Variants in BRPF3 observed in about 807,000 individuals in gnomAD.
BRPF3 encodes the protein bromodomain and PHD finger containing 3, also known as bromodomain and PHD finger-containing protein 3.
BRPF3 carries 18 observed loss-of-function variants against 102.0 expected under a neutral mutation model. The ratio of observed to expected loss-of-function variants is 0.18; its 90% CI spans 0.12 to 0.26. The LOEUF (loss-of-function observed/expected upper bound fraction) is 0.26, where lower values mean the gene tolerates loss of function less well. Among genes scored for constraint, BRPF3 ranks in the 10% least tolerant of loss-of-function variants. The pLI is 1.00. For missense variants in BRPF3, 1,147 were observed against 1,567.8 expected (o/e 0.73, Z 4.53); for synonymous variants, 570 against 614.2 (o/e 0.93, Z 1.06).
In BRPF3 at chr6:36,209,789, C is replaced by A; in HGVS notation, c.1740C>A (p.Val580=). 1 of 1,613,942 alleles carries A rather than the reference C, an allele frequency of 6.2e-7. No homozygotes were observed. The highest frequency in any genetic ancestry group is 8.5e-7 in the Non-Finnish European group (1 of 1,179,880). ...RKREKLKREQ[V]KVQQAAMELE... ...ATCTCACCCCACCTTCCCCACAGGTCAAAGTCCAGCAGGCTGCCATGGAGC... is the reference window on the plus strand; with the variant it reads ...ATCTCACCCCACCTTCCCCACAGGTAAAAGTCCAGCAGGCTGCCATGGAGC... The change falls in exon 5 of 13, where the codon GTC becomes GTA. Residue 580 remains valine, a splice_region_variant and synonymous_variant. Coordinates refer to ENST00000357641, the MANE Select transcript of BRPF3 (RefSeq NM_015695.3).
rs1042114181 is a variant in BRPF3, at chr6:36,222,046, G to C, written c.3084-122G>C. On this transcript the variant is annotated intron_variant, in intron 9 of 12. Coordinates refer to ENST00000357641, the MANE Select transcript of BRPF3 (RefSeq NM_015695.3). ...AGTTTTTAGGGGAAGGTGAGAAACT[G>C]TCCTCCCTGAAGAGTTTTTGCAGCT... The C allele has an allele frequency of 2.0e-5, 18 of 909,082 alleles. 2 individuals are homozygous for C. The South Asian group carries it at 2.9e-4, about 14-fold the overall frequency. 56.3% of individuals were successfully genotyped at this position (909,082 alleles called of 1,614,324 possible). A position where few individuals can be genotyped will look rare whatever the true frequency, so the allele number is the denominator to read the frequency against.
chr6:36,222,070 C>T, intron 9 of BRPF3, 98 bp from the exon 10 acceptor site: 1 of 1,221,846 alleles, frequency 8.2e-7, no homozygotes, highest in Non-Finnish European at 1.2e-6. Flanking sequence ...GTTTTTGCAG[C>T]TCCACTCCTG....
chr6:36,201,841 G>C lies in BRPF3; in HGVS notation c.1448+71G>C. On this transcript the variant is annotated intron_variant, in intron 2 of 12. Coordinates refer to ENST00000357641, the MANE Select transcript of BRPF3 (RefSeq NM_015695.3). This position sits in a 1 kb window ranked among gnomAD's most constrained non-coding sequence, Gnocchi z 5.1. Reference sequence around the variant, plus strand: ...TGGGTTGGTGTTGGCCCTGTGCCAGGCCTTCGCTAAACACAGTTGGACACT... The same window carrying C: ...TGGGTTGGTGTTGGCCCTGTGCCAGCCCTTCGCTAAACACAGTTGGACACT... 1 of 1,519,666 alleles carries C rather than the reference G, an allele frequency of 6.6e-7. No individual in the cohort carries two copies. Among genetic ancestry groups the C allele is most frequent in the Non-Finnish European group, 8.8e-7 (1 of 1,135,582 alleles). The allele number at this position is 1,519,666 out of a possible 1,614,324, so 94.1% of individuals were successfully genotyped here. A position where few individuals can be genotyped will look rare whatever the true frequency, so the allele number is the denominator to read the frequency against.
At position 36,201,585 on chromosome 6, in the gene BRPF3, A is replaced by G; in HGVS notation, c.1263A>G (p.Glu421=). ...EGLKEGDGEE[E]EEEEVEEEEQ... ...TGAAGGAGGGTGATGGAGAGGAGGA[A>G]GAAGAGGAAGAGGTGGAGGAAGAAG... Residue 421 remains glutamate, a synonymous_variant, in exon 2 of 13, where the codon GAA becomes GAG. Transcript: ENST00000357641. This position sits in a 1 kb window ranked among gnomAD's most constrained non-coding sequence, Gnocchi z 5.1. 1.2e-6 allele frequency: 2 copies of G among 1,613,804 alleles called. No homozygotes were observed. The highest frequency in any genetic ancestry group is 1.7e-6 in the Non-Finnish European group (2 of 1,179,754).
chr6:36,212,458 G>A (rs1219532762), intron 7 of BRPF3, among the ~76,000 whole-genome samples: 1 of 151,322 alleles, frequency 6.6e-6, no homozygotes, highest in Non-Finnish European at 1.5e-5. Flanking sequence ...GGGCTTTTAT[G>A]TCCATTGTGA....
intron 10 of BRPF3, among the ~76,000 whole-genome samples, chr6:36,224,463 G>C (rs915237740): frequency 6.6e-6 from 1 of 152,216 alleles, no homozygotes; most frequent in Non-Finnish European, 1.5e-5. Context: ...GGGATACCCA[G>C]TCTCATTTCT....
intron 11 of BRPF3, among the ~76,000 whole-genome samples, chr6:36,228,171 T>C (rs1768808571): frequency 6.6e-6 from 1 of 152,262 alleles, no homozygotes; most frequent in Non-Finnish European, 1.5e-5. Flanking sequence ...AGCAGACTTC[T>C]CAGCATCAGC....
In BRPF3 at chr6:36,220,385, G is replaced by A. The variant is rs546799016; in HGVS notation, c.3084-1783G>A. Among the ~76,000 whole-genome samples the A allele has an allele frequency of 5.9e-5, 9 of 152,274 alleles. No homozygotes were observed. The South Asian group carries it at 1.2e-3, about 21-fold the overall frequency. ...TGTACTGAGAGTTTTATGTGTGTTC[G>A]TTCATTAATCCTTACAACAACACAT... On this transcript the variant is annotated intron_variant, in intron 9 of 12. Coordinates refer to ENST00000357641, the MANE Select transcript of BRPF3 (RefSeq NM_015695.3).
intron 3 of BRPF3, 43 bp downstream of exon 3, chr6:36,204,857 A>G (rs961734878): frequency 3.1e-6 from 5 of 1,598,382 alleles, no homozygotes; most frequent in Non-Finnish European, 4.3e-6. Context: ...GGAGGTGGAG[A>G]GTGAAGGAAA....
At chr6:36,204,842 TAGAG>T (rs1378782489) in intron 3 of BRPF3, 28 bp downstream of exon 3, 2 of 1,606,218 alleles carry the variant, frequency 1.2e-6, no homozygotes, top group South Asian at 1.1e-5. Flanking sequence ...TTGAGGCTGG[TAGAG>T]GGAGGTGGAG....
chr6:36,211,457 C>T lies in BRPF3; in HGVS notation c.2379C>T (p.Leu793=). The T allele has an allele frequency of 1.2e-6, 2 of 1,604,798 alleles. No individual in the cohort carries two copies. The highest frequency in any genetic ancestry group is 1.7e-6 in the Non-Finnish European group (2 of 1,175,884). The change falls in exon 7 of 13, where the codon CTC becomes CTT. Residue 793 remains leucine, a synonymous_variant. Transcript: ENST00000357641. ...AQPPPPQPPS[L]NKTVSNGELP... is the part of the protein sequence containing the mutation. Reference sequence around the variant, plus strand: ...CACCACCACCACAGCCACCATCACTCAACAAGACAGTATCCAATGGGGAGC... The same window carrying T: ...CACCACCACCACAGCCACCATCACTTAACAAGACAGTATCCAATGGGGAGC...
At chr6:36,205,030 G>C (rs1767856813) in intron 3 of BRPF3, among the ~76,000 whole-genome samples, 1 of 152,190 alleles carries the variant, frequency 6.6e-6, no homozygotes, top group Non-Finnish European at 1.5e-5. Flanking sequence ...GAGAATTCTA[G>C]GGGAGAGTGG....
At chr6:36,218,978 ACT>A (rs1455346854) in intron 9 of BRPF3, among the ~76,000 whole-genome samples, 3 of 152,184 alleles carry the variant, frequency 2.0e-5, no homozygotes, top group African/African-American at 7.2e-5. Flanking sequence ...AGAAACCCTC[ACT>A]GCCACAAAGG....
rs1274346123 is a variant in BRPF3, at chr6:36,207,594, C to G, written c.1737+150C>G. 1.1e-4 allele frequency: 120 copies of G among 1,137,648 alleles called. No individual in the cohort carries two copies. The East Asian group carries it at 3.2e-3, about 30-fold the overall frequency. The allele number at this position is 1,137,648 out of a possible 1,614,324, so 70.5% of individuals were successfully genotyped here. On this transcript the variant is annotated intron_variant, in intron 4 of 12. Transcript: ENST00000357641. The stretch of plus-strand genomic sequence containing the variant: ...GATTGTAGGCTCCAAGATCTGCCTA[C>G]TTTGTATTAGATGTGGTGCTACTGA...
At chr6:36,199,377 C>T (rs1454559843) in intron 1 of BRPF3, among the ~76,000 whole-genome samples, 3 of 152,244 alleles carry the variant, frequency 2.0e-5, no homozygotes, top group South Asian at 2.1e-4. Flanking sequence ...TTGTCTTCCA[C>T]GAAACCAGTC....
rs762288673 is a variant in BRPF3 at position 36,210,424 on chromosome 6, A to G, written c.2075A>G (p.His692Arg). Residue 692 changes from histidine (H) to arginine (R), a missense_variant, in exon 6 of 13, where the codon CAC (histidine) becomes CGC (arginine). Physicochemically the swap from His to Arg is conservative, Grantham distance 29. Transcript: ENST00000357641. This position sits in a 1 kb window ranked among gnomAD's most constrained non-coding sequence, Gnocchi z 4.7. ...GACCTGGGAGGGGCCATCCTACGGC[A>G]CGCCCGGCGGCAGGCAGAGAACATC... ...LRDLGGAILRHARRQAENIGY... is the reference protein window; with the variant it reads ...LRDLGGAILRRARRQAENIGY... The G allele has an allele frequency of 4.3e-6, 7 of 1,613,500 alleles. No individual in the cohort carries two copies. The highest frequency in any genetic ancestry group is 5.1e-6 in the Non-Finnish European group (6 of 1,180,038).
chr6:36,228,241 T>C (rs1311774085), intron 11 of BRPF3, among the ~76,000 whole-genome samples: 1 of 152,226 alleles, frequency 6.6e-6, no homozygotes, highest in Non-Finnish European at 1.5e-5. Flanking sequence ...TTGAAAGTGC[T>C]CCCTAGACCT....
At chr6:36,209,654 C>G (rs1056086027) in intron 4 of BRPF3, 133 bp from the exon 5 acceptor site, 1 of 1,125,646 alleles carries the variant, frequency 8.9e-7, no homozygotes, top group African/African-American at 1.6e-5. Context: ...GATAGCTTCT[C>G]ATATACTGGT....
chr6:36,219,226 C>CCTG (rs1768442033), intron 9 of BRPF3, among the ~76,000 whole-genome samples: 1 of 152,126 alleles, frequency 6.6e-6, no homozygotes, highest in Admixed American at 6.5e-5. Context: ...GGACTGGTTC[C>CCTG]CTGCTGTGGT....
Sources: gnomAD v4.1 joint callset for allele counts (sites outside exome capture counted in the v4.1 genomes callset) on GRCh38, gnomAD v4.1.1 for gene constraint, Gnocchi (gnomAD v3.1) non-coding constraint, MANE v1.5 for transcripts, NCBI Gene and HGNC (gene_info 2026-07-23, HGNC 2026-07-21) for gene names.